The following GSPT1 variants were observed in gnomAD, a reference collection of about 807,000 sequenced individuals.
The protein encoded by GSPT1 is G1 to S phase transition 1, also known as eukaryotic peptide chain release factor GTP-binding subunit ERF3A.
Under a neutral mutation model 72.5 loss-of-function variants are expected in GSPT1, and 20 were observed. The ratio of observed to expected loss-of-function variants is 0.28; its 90% CI spans 0.19 to 0.40. The LOEUF (loss-of-function observed/expected upper bound fraction) is 0.40. Ranked by LOEUF, GSPT1 falls within the 10% of genes least tolerant of loss-of-function variation. The pLI is 1.00. For synonymous variants in GSPT1, 334 were observed against 293.5 expected, an observed-to-expected ratio of 1.14 and a Z score of -1.41; for missense variants, 580 against 811.9, an observed-to-expected ratio of 0.71 and a Z score of 3.47.
At chr16:11,894,210 A>G (rs1362589491) in intron 5 of GSPT1, among the ~76,000 whole-genome samples, 1 of 146,182 alleles carries the variant, frequency 6.8e-6, no homozygotes, top group Non-Finnish European at 1.5e-5. Flanking sequence ...ACTAGGCAAG[A>G]TGATGGCAAG....
intron 14 of GSPT1, among the ~76,000 whole-genome samples, chr16:11,875,508 C>T (rs1242425350): frequency 6.6e-6 from 1 of 152,034 alleles, no homozygotes; most frequent in Non-Finnish European, 1.5e-5. Flanking sequence ...ACAAAATAGC[C>T]CTCCAAATCC....
chr16:11,876,307 G>A lies in GSPT1; in HGVS notation c.1603-132C>T, dbSNP rs2054045596. 5 of 686,730 alleles carry A rather than the reference G, an allele frequency of 7.3e-6. No homozygotes were observed. The Admixed American group carries it at 9.4e-5, about 13-fold the overall frequency. 42.5% of individuals were successfully genotyped at this position (686,730 alleles called of 1,614,324 possible). ...GGACATCAACTTAAGTGATTTTTGTGTTAGAGGTGATAGGTTTGTCTTACT... is the reference window on the plus strand; with the variant it reads ...GGACATCAACTTAAGTGATTTTTGTATTAGAGGTGATAGGTTTGTCTTACT... On this transcript the variant is annotated intron_variant, in intron 12 of 14. Coordinates refer to ENST00000434724, the MANE Select transcript of GSPT1 (RefSeq NM_002094.4).
intron 1 of GSPT1, among the ~76,000 whole-genome samples, chr16:11,902,404 CAAAAAAAAA>C (rs775362322): frequency 1.6e-5 from 1 of 61,572 alleles, no homozygotes; most frequent in Admixed American, 2.0e-4. Flanking sequence ...GACTCTGTCT[CAAAAAAAAA>C]AAAAAAAAAA....
chr16:11,886,994 A>T, intron 7 of GSPT1, 63 bp from the exon 8 acceptor site: 2 of 1,289,528 alleles, frequency 1.6e-6, no homozygotes, highest in Non-Finnish European at 2.1e-6. Flanking sequence ...TGGCAGTAAA[A>T]CATCTTTCCT....
intron 1 of GSPT1, among the ~76,000 whole-genome samples, chr16:11,905,262 C>T (rs1480641926): frequency 6.6e-6 from 1 of 152,192 alleles, no homozygotes; most frequent in African/African-American, 2.4e-5. Flanking sequence ...TGTGCTGTGA[C>T]ATGATAGTCA....
Position 11,887,611 on chromosome 16 carries a change from T to G in GSPT1, c.916A>C (p.Asn306His), listed in dbSNP as rs758365024. 1 of 1,613,956 alleles carries G rather than the reference T, an allele frequency of 6.2e-7. No homozygotes were observed. The highest frequency in any genetic ancestry group is 2.2e-5 in the East Asian group (1 of 44,890). ...DAPGHKSFVPNMIGGASQADL... is the reference protein window; with the variant it reads ...DAPGHKSFVPHMIGGASQADL... ...GCTTGAGAGGCACCACCAATCATAT[T>G]TGGGACAAAACTCTTGTGGCCAGGG... The change falls in exon 7 of 15, where the codon AAT becomes CAT. Residue 306 changes from asparagine to histidine, a missense_variant. Physicochemically the swap from Asn to His is moderately conservative, Grantham distance 68 (BLOSUM62 1). Around this residue, in one of 6 missense-constraint regions of GSPT1, gnomAD observed 51 missense variants for 118.2 expected, o/e 0.43. Coordinates refer to ENST00000434724, the MANE Select transcript of GSPT1 (RefSeq NM_002094.4).
At position 11,885,208 on chromosome 16, in the gene GSPT1, G is replaced by T; in HGVS notation, c.1320C>A (p.Ile440=). The change falls in exon 10 of 15, where the codon ATC becomes ATA. Residue 440 remains isoleucine, a synonymous_variant. Coordinates refer to ENST00000434724, the MANE Select transcript of GSPT1 (RefSeq NM_002094.4). ...PNFNRSVDGP[I]RLPIVDKYKD... ...TGTACTTATCCACAATTGGCAGCCT[G>T]ATTGGTCCATCAACTGATCTATTGA... The T allele has an allele frequency of 6.3e-7, 1 of 1,590,790 alleles. No homozygotes were observed. Among genetic ancestry groups the T allele is most frequent in the Non-Finnish European group, 8.6e-7 (1 of 1,158,932 alleles).
chr16:11,901,581 G>A (rs2054406192), intron 1 of GSPT1, among the ~76,000 whole-genome samples: 2 of 151,684 alleles, frequency 1.3e-5, no homozygotes, highest in Admixed American at 6.6e-5. Context: ...TTTGAGACCA[G>A]CCTGGGCAAC....
At chr16:11,891,693 C>T (rs1360913736) in intron 5 of GSPT1, among the ~76,000 whole-genome samples, 3 of 133,916 alleles carry the variant, frequency 2.2e-5, no homozygotes, top group African/African-American at 5.7e-5. Flanking sequence ...GACAGGGTCT[C>T]GCTCTGTCGC....
chr16:11,893,255 C>T (rs891427007), intron 5 of GSPT1, among the ~76,000 whole-genome samples: 32 of 152,062 alleles, frequency 2.1e-4, no homozygotes, highest in South Asian at 6.3e-4. Context: ...GCCTGGGCAA[C>T]ACAGCGAGAC....
chr16:11,915,808 A>G lies in GSPT1; in HGVS notation c.-88T>C. ...GGAGAGGAGTGGGCAACGCTGACTG[A>G]GGGAAGGCGGCGGGGCAGAAGGGCC... is the stretch of plus-strand genomic sequence containing the variant. On this transcript the variant is annotated 5_prime_UTR_variant, in exon 1 of 15. Coordinates refer to ENST00000434724, the MANE Select transcript of GSPT1 (RefSeq NM_002094.4). The G allele has an allele frequency of 6.4e-7, 1 of 1,568,234 alleles. No homozygotes were observed. Among genetic ancestry groups the G allele is most frequent in the Non-Finnish European group, 8.6e-7 (1 of 1,158,576 alleles).
At chr16:11,894,661 TTAAAG>T (rs1421554476) in intron 5 of GSPT1, among the ~76,000 whole-genome samples, 8 of 152,158 alleles carry the variant, frequency 5.3e-5, no homozygotes, top group African/African-American at 1.7e-4. Context: ...TTTAAAAAAA[TTAAAG>T]TAGAGACAGA....
intron 11 of GSPT1, among the ~76,000 whole-genome samples, chr16:11,880,683 G>A (rs1240099602): frequency 6.6e-6 from 1 of 152,166 alleles, no homozygotes; most frequent in Non-Finnish European, 1.5e-5. Context: ...ATTTCTTCAT[G>A]TACTTTTTGG....
intron 1 of GSPT1, among the ~76,000 whole-genome samples, chr16:11,903,499 A>G (rs1407587177): frequency 3.9e-5 from 6 of 152,092 alleles, no homozygotes; most frequent in African/African-American, 1.4e-4. Flanking sequence ...TGGGCATAAC[A>G]GTGAGACTCT....
At chr16:11,900,604 G>C (rs2054394203) in intron 1 of GSPT1, among the ~76,000 whole-genome samples, 3 of 152,092 alleles carry the variant, frequency 2.0e-5, no homozygotes, top group African/African-American at 7.2e-5. Context: ...AGTTATGCAA[G>C]TGCCATCTTC....
intron 14 of GSPT1, among the ~76,000 whole-genome samples, chr16:11,874,913 C>T (rs1209403261): frequency 6.6e-6 from 1 of 152,128 alleles, no homozygotes; most frequent in Non-Finnish European, 1.5e-5. Flanking sequence ...ACAGCTGGGC[C>T]GGGCACGGTG....
At chr16:11,909,153 T>G (rs1470188206) in intron 1 of GSPT1, among the ~76,000 whole-genome samples, 1 of 151,784 alleles carries the variant, frequency 6.6e-6, no homozygotes, top group Non-Finnish European at 1.5e-5. Flanking sequence ...TGGAAGTGAG[T>G]GTCACCACTG....
Position 11,873,098 on chromosome 16 carries a change from G to A in GSPT1, c.*21C>T, listed in dbSNP as rs780568390. ...CAGTCAATTTTCCTCACAGTATTGTGCAGGGTCATCAAGAAAATGCTTAGT... is the reference window on the plus strand; with the variant it reads ...CAGTCAATTTTCCTCACAGTATTGTACAGGGTCATCAAGAAAATGCTTAGT... On this transcript the variant is annotated 3_prime_UTR_variant, in exon 15 of 15. Coordinates refer to ENST00000434724, the MANE Select transcript of GSPT1 (RefSeq NM_002094.4). 2 of 1,493,728 alleles carry A rather than the reference G, an allele frequency of 1.3e-6. No individual in the cohort carries two copies. Among genetic ancestry groups the A allele is most frequent in the South Asian group, 1.1e-5 (1 of 88,510 alleles). The allele number at this position is 1,493,728 out of a possible 1,614,324, so 92.5% of individuals were successfully genotyped here.
intron 4 of GSPT1, 157 bp from the exon 5 acceptor site, chr16:11,895,144 C>G: frequency 1.8e-6 from 1 of 570,506 alleles, no homozygotes; most frequent in Non-Finnish European, 3.2e-6. Flanking sequence ...GAAAATGAGC[C>G]TCAAGGCTGG....
Sources: gnomAD v4.1 joint callset for allele counts (sites outside exome capture counted in the v4.1 genomes callset) on GRCh38, gnomAD v4.1.1 for gene constraint, gnomAD v4.1.1 regional missense constraint, MANE v1.5 for transcripts, NCBI Gene and HGNC (gene_info 2026-07-23, HGNC 2026-07-21) for gene names.